BMP7: variants seen among roughly 807,000 people sequenced by gnomAD.
BMP7 encodes bone morphogenetic protein 7.
BMP7 carries 12 observed loss-of-function variants against 41.2 expected under a neutral mutation model. That is an observed-to-expected ratio of 0.29 (90% CI 0.19 to 0.47). BMP7 has a LOEUF of 0.47. Ranked by LOEUF, BMP7 falls within the 20% of genes least tolerant of loss-of-function variation. The probability of loss-of-function intolerance (pLI) is 0.99; values close to 1 mark genes in which losing one functional copy is unlikely to be tolerated. For synonymous variants in BMP7, 248 were observed against 250.0 expected, an observed-to-expected ratio of 0.99 and a Z score of 0.07; for missense variants, 467 against 606.0, an observed-to-expected ratio of 0.77 and a Z score of 2.41.
At chr20:57,203,484 G>A (rs1568713583) in intron 2 of BMP7, among the ~76,000 whole-genome samples, 1 of 151,860 alleles carries the variant, frequency 6.6e-6, no homozygotes, top group Non-Finnish European at 1.5e-5. Flanking sequence ...TGGGTGGATG[G>A]ATGGATGGAT....
At chr20:57,254,550 G>C in intron 1 of BMP7, among the ~76,000 whole-genome samples, 1 of 151,926 alleles carries the variant, frequency 6.6e-6, no homozygotes, top group Non-Finnish European at 1.5e-5. Flanking sequence ...GGGGGCGGGG[G>C]TGCCTATGTG....
intron 2 of BMP7, among the ~76,000 whole-genome samples, chr20:57,211,966 TAC>T (rs1251637384): frequency 7.0e-6 from 1 of 142,502 alleles, no homozygotes; most frequent in Non-Finnish European, 1.6e-5. Context: ...GAGGAATGAA[TAC>T]AGTTTCTCTC....
chr20:57,257,758 G>A (rs1164135699), intron 1 of BMP7, among the ~76,000 whole-genome samples: 1 of 107,684 alleles, frequency 9.3e-6, no homozygotes, highest in Non-Finnish European at 1.9e-5. Flanking sequence ...GCATGGGCAG[G>A]AGAATAAGGC....
rs1231707719 is a variant in BMP7, at chr20:57,171,389, T to C, written c.1147-281A>G. Among the ~76,000 whole-genome samples the C allele has an allele frequency of 6.6e-6, 1 of 152,188 alleles. No individual in the cohort carries two copies. Among genetic ancestry groups the C allele is most frequent in the African/African-American group, 2.4e-5 (1 of 41,436 alleles). On this transcript the variant is annotated intron_variant, in intron 6 of 6. Coordinates refer to ENST00000395863, the MANE Select transcript of BMP7 (RefSeq NM_001719.3). This position sits in a 1 kb window ranked among gnomAD's most constrained non-coding sequence, Gnocchi z 4.5. ...ACATTCAGGACCAGGTAATTCTCTG[T>C]TGGGGAACTGCCCTGTGCACTGTAG...
intron 2 of BMP7, among the ~76,000 whole-genome samples, chr20:57,225,012 G>A (rs1985276213): frequency 6.6e-6 from 1 of 152,242 alleles, no homozygotes; most frequent in South Asian, 2.1e-4. Context: ...TGGAGCTCAG[G>A]CACAGCTCGT....
At chr20:57,208,834 T>C (rs112342435) in intron 2 of BMP7, among the ~76,000 whole-genome samples, 154 of 152,320 alleles carry the variant, frequency 1.0e-3, no homozygotes, top group African/African-American at 3.5e-3. Flanking sequence ...ACTTAAAAGA[T>C]TGCATAGTAT....
intron 1 of BMP7, among the ~76,000 whole-genome samples, chr20:57,257,426 TAACA>T (rs1209674167): frequency 6.6e-6 from 1 of 152,210 alleles, no homozygotes; most frequent in Non-Finnish European, 1.5e-5. Flanking sequence ...AAAATTGTGT[TAACA>T]ATTAAAATTA....
chr20:57,261,537 T>C lies in BMP7; in HGVS notation c.418+4168A>G, dbSNP rs6092446. Among the ~76,000 whole-genome samples, 3,903 of 152,322 alleles carry C rather than the reference T, an allele frequency of 0.026. 174 individuals carry two copies. Among genetic ancestry groups the C allele is most frequent in the African/African-American group, 0.088 (3,656 of 41,556 alleles). On this transcript the variant is annotated intron_variant, in intron 1 of 6. Coordinates refer to ENST00000395863, the MANE Select transcript of BMP7 (RefSeq NM_001719.3). The surrounding 1 kb of genome is among the most constrained non-coding windows in gnomAD (Gnocchi z 4.1). The stretch of plus-strand genomic sequence containing the variant: ...AGTGGAGGAAAATCTTTGATTTATA[T>C]AAGCAGGAAAATGAGGTTTAAAAGA...
intron 2 of BMP7, among the ~76,000 whole-genome samples, chr20:57,204,279 G>A (rs975204437): frequency 2.6e-5 from 4 of 152,134 alleles, no homozygotes; most frequent in East Asian, 1.9e-4. Context: ...CCAGCTCTCC[G>A]TACTAACACT....
At position 57,218,555 on chromosome 20, in the gene BMP7, TGTA is replaced by T. The variant is rs1296319612; in HGVS notation, c.611+9671_611+9673del. 2.1e-5 allele frequency among the ~76,000 whole-genome samples: 3 copies of T among 145,886 alleles called. No homozygotes were observed. In the East Asian group the frequency reaches 6.2e-4, roughly 30 times the overall value. On this transcript the variant is annotated intron_variant, in intron 2 of 6. Coordinates refer to ENST00000395863, the MANE Select transcript of BMP7 (RefSeq NM_001719.3). ...TGGTGTTTGGTGGTAGCTGGTGTTT[TGTA>T]GTAGTAGCTGGTGTTTGGTAGTAGC...
chr20:57,200,387 C>A (rs1984592913), intron 3 of BMP7, among the ~76,000 whole-genome samples: 1 of 152,184 alleles, frequency 6.6e-6, no homozygotes, highest in African/African-American at 2.4e-5. Flanking sequence ...CAATGCTGAG[C>A]CTTTCTCCAT....
At chr20:57,191,133 C>G (rs1984348215) in intron 3 of BMP7, among the ~76,000 whole-genome samples, 1 of 152,168 alleles carries the variant, frequency 6.6e-6, no homozygotes, top group Admixed American at 6.5e-5. Context: ...CCGAGTCTGA[C>G]CTACAAAACC....
At chr20:57,186,225 A>T (rs1984208221) in intron 3 of BMP7, among the ~76,000 whole-genome samples, 1 of 152,162 alleles carries the variant, frequency 6.6e-6, no homozygotes, top group African/African-American at 2.4e-5. Flanking sequence ...AGGTCAGGGG[A>T]ATGCAACGGA....
chr20:57,183,599 A>G lies in BMP7; in HGVS notation c.958+123T>C, dbSNP rs6070015. 0.93 allele frequency: 1,184,440 copies of G among 1,280,450 alleles called. 554,106 individuals carry two copies. Among genetic ancestry groups the G allele is most frequent in the East Asian group, 0.97 (40,540 of 41,918 alleles). The allele number at this position is 1,280,450 out of a possible 1,614,324, so 79.3% of individuals were successfully genotyped here. A position where few individuals can be genotyped will look rare whatever the true frequency, so the allele number is the denominator to read the frequency against. The stretch of plus-strand genomic sequence containing the variant: ...TGGATTTGGGGGTTTTCTTCCTGCT[A>G]TATTTGTTCCAGAGCCATCTGGTGA... On this transcript the variant is annotated intron_variant, in intron 4 of 6. Coordinates refer to ENST00000395863, the MANE Select transcript of BMP7 (RefSeq NM_001719.3).
intron 1 of BMP7, among the ~76,000 whole-genome samples, chr20:57,258,175 C>T (rs990184084): frequency 1.3e-5 from 2 of 152,152 alleles, no homozygotes; most frequent in African/African-American, 2.4e-5. Context: ...AAACCTAATA[C>T]TTGGTGAGTC....
chr20:57,220,949 C>A (rs1001772763), intron 2 of BMP7, among the ~76,000 whole-genome samples: 1 of 152,172 alleles, frequency 6.6e-6, no homozygotes, highest in Non-Finnish European at 1.5e-5. Flanking sequence ...GTTGTACATG[C>A]GCTCAGGCAC....
At chr20:57,216,551 AG>A (rs200926960) in intron 2 of BMP7, among the ~76,000 whole-genome samples, 1 of 115,474 alleles carries the variant, frequency 8.7e-6, no homozygotes, top group Non-Finnish European at 1.7e-5. Flanking sequence ...CCTGAGGGCG[AG>A]GGGCTGTCTC....
chr20:57,248,265 G>C (rs991822754), intron 1 of BMP7, among the ~76,000 whole-genome samples: 1 of 152,182 alleles, frequency 6.6e-6, no homozygotes, highest in Non-Finnish European at 1.5e-5. Context: ...AAGAGGGAGA[G>C]AGAAACCATT....
In BMP7 at chr20:57,228,169, T is replaced by C; in HGVS notation, c.611+60A>G. ...GACCCATCCTCTGGCCCTCACCACC[T>C]TCTTCCTCTGCCCCCAGAGGAAACT... On this transcript the variant is annotated intron_variant, in intron 2 of 6. Coordinates refer to ENST00000395863, the MANE Select transcript of BMP7 (RefSeq NM_001719.3). This position sits in a 1 kb window ranked among gnomAD's most constrained non-coding sequence, Gnocchi z 4.5. 1 of 1,580,856 alleles carries C rather than the reference T, an allele frequency of 6.3e-7. No individual in the cohort carries two copies. Among genetic ancestry groups the C allele is most frequent in the Middle Eastern group, 2.3e-4 (1 of 4,412 alleles).
Sources: allele counts gnomAD v4.1 joint callset (sites outside exome capture counted in the v4.1 genomes callset), GRCh38; gene constraint gnomAD v4.1.1; non-coding constraint Gnocchi (gnomAD v3.1); transcripts MANE v1.5; gene names NCBI Gene and HGNC (gene_info 2026-07-23, HGNC 2026-07-21).